RPS6KA5: variants seen among roughly 807,000 people sequenced by gnomAD.
RPS6KA5 encodes ribosomal protein S6 kinase alpha-5.
A neutral mutation model predicts 85.5 loss-of-function variants in RPS6KA5; 27 were observed. That is an observed-to-expected ratio of 0.32 (90% CI 0.23 to 0.44). RPS6KA5 has a LOEUF of 0.44. RPS6KA5 is among the 20% of genes least tolerant of loss of function. RPS6KA5 has a pLI of 1.00. For missense variants in RPS6KA5, 811 were observed against 980.9 expected, an observed-to-expected ratio of 0.83 and a Z score of 2.31; for synonymous variants, 334 against 348.2, an observed-to-expected ratio of 0.96 and a Z score of 0.46.
chr14:90,967,458 G>A (rs1023476393), intron 3 of RPS6KA5, among the ~76,000 whole-genome samples: 1 of 151,980 alleles, frequency 6.6e-6, no homozygotes, highest in Non-Finnish European at 1.5e-5. Context: ...TTATAGACTT[G>A]AAAAATACTG....
chr14:90,904,285 C>T (rs928077113), intron 8 of RPS6KA5, among the ~76,000 whole-genome samples: 2 of 152,122 alleles, frequency 1.3e-5, no homozygotes, highest in African/African-American at 4.8e-5. Context: ...AGGTGTGAGC[C>T]ACTGCGCCTG....
intron 3 of RPS6KA5, among the ~76,000 whole-genome samples, chr14:90,964,929 A>AC (rs1377457225): frequency 0.014 from 2,144 of 148,652 alleles, 53 homozygotes; most frequent in African/African-American, 0.051. Flanking sequence ...AAAAAAAAAA[A>AC]AAAAAACCAA....
At chr14:90,983,744 T>C (rs1368456233) in intron 2 of RPS6KA5, among the ~76,000 whole-genome samples, 1 of 151,644 alleles carries the variant, frequency 6.6e-6, no homozygotes, top group Non-Finnish European at 1.5e-5. Context: ...AAAGAGAACA[T>C]GAAGTTCTAA....
chr14:90,883,087 T>C (rs926173943), intron 14 of RPS6KA5, among the ~76,000 whole-genome samples: 1 of 152,176 alleles, frequency 6.6e-6, no homozygotes, highest in Non-Finnish European at 1.5e-5. Context: ...TGTTTCATTA[T>C]AATGTGTTTC....
chr14:90,979,672 C>G (rs1447155410), intron 2 of RPS6KA5, among the ~76,000 whole-genome samples: 2 of 152,236 alleles, frequency 1.3e-5, no homozygotes, highest in Non-Finnish European at 2.9e-5. Context: ...CAGTGAAAGA[C>G]TAATAATCCT....
intron 1 of RPS6KA5, among the ~76,000 whole-genome samples, chr14:91,038,366 A>G (rs1394118858): frequency 6.6e-6 from 1 of 152,240 alleles, no homozygotes; most frequent in Non-Finnish European, 1.5e-5. Flanking sequence ...AAGAGTCTGT[A>G]TAAGACTGCT....
chr14:91,044,987 T>C (rs963238241), intron 1 of RPS6KA5, among the ~76,000 whole-genome samples: 1 of 152,088 alleles, frequency 6.6e-6, no homozygotes, highest in Non-Finnish European at 1.5e-5. Context: ...AACTGAATTC[T>C]ACCAACAAAA....
rs1219885654 is a variant in RPS6KA5, at chr14:90,853,411, T to C, written c.*18663A>G. 1 of 152,034 alleles carries C rather than the reference T, an allele frequency of 6.6e-6. No individual in the cohort carries two copies. The highest frequency in any genetic ancestry group is 1.5e-5 in the Non-Finnish European group (1 of 67,996). The allele number at this position is 152,034 out of a possible 1,614,324, so 9.4% of individuals were successfully genotyped here. A position where few individuals can be genotyped will look rare whatever the true frequency, so the allele number is the denominator to read the frequency against. Reference sequence around the variant, plus strand: ...AACAATGAAGTGGCTAATAAAAAAGTAAGCATCACATTTATGATGTCTAGA... The same window carrying C: ...AACAATGAAGTGGCTAATAAAAAAGCAAGCATCACATTTATGATGTCTAGA... On this transcript the variant is annotated 3_prime_UTR_variant, in exon 17 of 17. Transcript: ENST00000614987.
intron 3 of RPS6KA5, among the ~76,000 whole-genome samples, chr14:90,966,085 G>A (rs1286092): frequency 0.15 from 23,127 of 152,112 alleles, 1,918 homozygotes; most frequent in East Asian, 0.32. Context: ...TGGTACTAAA[G>A]TTGTAGAAAG....
chr14:90,995,068 T>C (rs1224220050), intron 2 of RPS6KA5, among the ~76,000 whole-genome samples: 1 of 152,126 alleles, frequency 6.6e-6, no homozygotes, highest in Non-Finnish European at 1.5e-5. Context: ...GTTTTTAATA[T>C]AAGACGGAGT....
chr14:91,053,286 T>C (rs1430701753), intron 1 of RPS6KA5, among the ~76,000 whole-genome samples: 2 of 152,130 alleles, frequency 1.3e-5, no homozygotes, highest in Non-Finnish European at 2.9e-5. Context: ...GCTTTCACCC[T>C]AGGATCAGGA....
At chr14:91,014,278 G>A (rs1438148729) in intron 1 of RPS6KA5, among the ~76,000 whole-genome samples, 1 of 152,040 alleles carries the variant, frequency 6.6e-6, no homozygotes, top group African/African-American at 2.4e-5. Context: ...CAAGGCAGCC[G>A]GATCACGAGG....
intron 5 of RPS6KA5, among the ~76,000 whole-genome samples, chr14:90,938,739 A>T (rs1050295196): frequency 6.6e-6 from 1 of 152,204 alleles, no homozygotes; most frequent in Non-Finnish European, 1.5e-5. Flanking sequence ...TGGCTGTAGC[A>T]GCTGGGAAGC....
intron 1 of RPS6KA5, among the ~76,000 whole-genome samples, chr14:91,058,429 A>G (rs142086472): frequency 1.3e-5 from 2 of 152,374 alleles, no homozygotes; most frequent in African/African-American, 4.8e-5. Flanking sequence ...TTGGTTAACT[A>G]CTAATAACAA....
At chr14:90,985,194 C>T (rs561114650) in intron 2 of RPS6KA5, among the ~76,000 whole-genome samples, 3 of 152,318 alleles carry the variant, frequency 2.0e-5, no homozygotes, top group South Asian at 4.1e-4. Context: ...CTGCCCACCT[C>T]GGCCTCCCAA....
At chr14:91,052,470 A>C (rs771732371) in intron 1 of RPS6KA5, 3 of 236,144 alleles carry the variant, frequency 1.3e-5, no homozygotes, top group Non-Finnish European at 1.7e-5. Context: ...TCTCTTAAAA[A>C]AAAAAAAAAA....
Position 90,859,233 on chromosome 14 carries a change from TA to T in RPS6KA5, c.*12840del, listed in dbSNP as rs1249570994. 6.6e-6 allele frequency: 1 copy of T among 152,252 alleles called. No individual in the cohort carries two copies. Among genetic ancestry groups the T allele is most frequent in the African/African-American group, 2.4e-5 (1 of 41,464 alleles). 9.4% of individuals were successfully genotyped at this position (152,252 alleles called of 1,614,324 possible). A position where few individuals can be genotyped will look rare whatever the true frequency, so the allele number is the denominator to read the frequency against. ...GGATTACAGTGATATGCCTGTATTT[TA>T]TCAGACTGCAAGAAGAAAACATAAC... is the stretch of plus-strand genomic sequence containing the variant. On this transcript the variant is annotated 3_prime_UTR_variant, in exon 17 of 17. Coordinates refer to ENST00000614987, the MANE Select transcript of RPS6KA5 (RefSeq NM_004755.4).
At chr14:90,976,143 T>TA (rs1000719990) in intron 3 of RPS6KA5, among the ~76,000 whole-genome samples, 1 of 128,400 alleles carries the variant, frequency 7.8e-6, no homozygotes, top group Non-Finnish European at 1.6e-5. Flanking sequence ...ACATGTTTTA[T>TA]AAAAAAATTA....
At chr14:90,993,562 T>C (rs954404285) in intron 2 of RPS6KA5, among the ~76,000 whole-genome samples, 2 of 152,084 alleles carry the variant, frequency 1.3e-5, no homozygotes. Flanking sequence ...TTAACAGTTA[T>C]TTTCTCTGGG....
Sources: allele counts gnomAD v4.1 joint callset (sites outside exome capture counted in the v4.1 genomes callset), GRCh38; gene constraint gnomAD v4.1.1; transcripts MANE v1.5; gene names NCBI Gene and HGNC (gene_info 2026-07-23, HGNC 2026-07-21).